The following SKIL variants were observed in gnomAD, a reference collection of about 807,000 sequenced individuals.
The protein encoded by SKIL is SKI like proto-oncogene.
Under a neutral mutation model 69.6 loss-of-function variants are expected in SKIL, and 20 were observed. That is an observed-to-expected ratio of 0.29 (90% CI 0.20 to 0.42). The LOEUF is 0.42. SKIL is among the 10% of genes least tolerant of loss of function. The pLI, the probability that SKIL is intolerant of heterozygous loss-of-function variation, is 1.00. For synonymous variants in SKIL, 310 were observed against 279.9 expected (o/e 1.11, Z -1.08); for missense variants, 745 against 783.1 (o/e 0.95, Z 0.58).
chr3:170,378,576 A>G lies in SKIL; in HGVS notation c.1099-2668A>G, dbSNP rs1221823514. On this transcript the variant is annotated intron_variant, in intron 2 of 6. Coordinates refer to ENST00000259119, the MANE Select transcript of SKIL (RefSeq NM_005414.5). The stretch of plus-strand genomic sequence containing the variant: ...CTCTTTTTTTTTTTTTTTGGAGACA[A>G]AGTCTTGCTCTGTCACCCAGGTTGG... 4.5e-4 allele frequency among the ~76,000 whole-genome samples: 17 copies of G among 37,742 alleles called. No individual in the cohort carries two copies. The East Asian group carries it at 9.6e-3, about 21-fold the overall frequency. The allele number at this position is 37,742 out of a possible 152,430, so 24.8% of individuals were successfully genotyped here.
In SKIL at chr3:170,395,758, A is replaced by C. The variant is rs1738154714; in HGVS notation, c.*3341A>C. The C allele has an allele frequency of 6.6e-6, 1 of 152,104 alleles. No individual in the cohort carries two copies. The highest frequency in any genetic ancestry group is 2.4e-5 in the African/African-American group (1 of 41,454). 9.4% of individuals were successfully genotyped at this position (152,104 alleles called of 1,614,324 possible). On this transcript the variant is annotated 3_prime_UTR_variant, in exon 7 of 7. Transcript: ENST00000259119. ...TTTGCCCTTTATGCATTTAATCCAC[A>C]TGATAGGACATTAAAAATTAATATA...
In SKIL at chr3:170,390,374, G is replaced by C; in HGVS notation, c.1581G>C (p.Lys527Asn). Residue 527 changes from lysine to asparagine, a missense_variant, in exon 5 of 7, where the codon AAG becomes AAC. Physicochemically the swap from Lys to Asn is moderately conservative, Grantham distance 94. Coordinates refer to ENST00000259119, the MANE Select transcript of SKIL (RefSeq NM_005414.5). ...AAGATGTCATTTGTGAGGATGATAA[G>C]GGAAAAATCATGGAAGAAGTAATGA... ...LVKDVICEDD[K>N]GKIMEEVMRT... is the part of the protein sequence containing the mutation. The C allele has an allele frequency of 6.2e-7, 1 of 1,613,896 alleles. No homozygotes were observed. The highest frequency in any genetic ancestry group is 8.5e-7 in the Non-Finnish European group (1 of 1,179,860).
At chr3:170,366,688 C>CACACACACAG (rs1553852225) in intron 2 of SKIL, among the ~76,000 whole-genome samples, 27 of 140,764 alleles carry the variant, frequency 1.9e-4, no homozygotes, top group African/African-American at 7.5e-4. Context: ...CACACACACA[C>CACACACACAG]ACACACAGAC....
At chr3:170,376,929 G>A (rs981209317) in intron 2 of SKIL, among the ~76,000 whole-genome samples, 3 of 152,106 alleles carry the variant, frequency 2.0e-5, no homozygotes, top group African/African-American at 7.2e-5. Flanking sequence ...AATTGGGGTA[G>A]GGGACAATTG....
chr3:170,391,315 T>TA, intron 6 of SKIL, 55 bp downstream of exon 6: 5 of 1,032,234 alleles, frequency 4.8e-6, no homozygotes, highest in Non-Finnish European at 7.2e-6. Flanking sequence ...TGGAAACTGT[T>TA]ACTTCTCTCT....
At position 170,384,578 on chromosome 3, in the gene SKIL, A is replaced by G. The variant is rs2108218558; in HGVS notation, c.1242A>G (p.Ser414=). 1 of 1,611,928 alleles carries G rather than the reference A, an allele frequency of 6.2e-7. No individual in the cohort carries two copies. Among genetic ancestry groups the G allele is most frequent in the Non-Finnish European group, 8.5e-7 (1 of 1,178,806 alleles). Reference sequence around the variant, plus strand: ...ATAAAGTGGTTGCCCCAAATGTGTCACTTACTTCTGCTGTATCCCAGTCTA... The same window carrying G: ...ATAAAGTGGTTGCCCCAAATGTGTCGCTTACTTCTGCTGTATCCCAGTCTA... The part of the protein sequence containing the change: ...MCDKVVAPNV[S]LTSAVSQSKE... The change falls in exon 4 of 7, where the codon TCA becomes TCG. Residue 414 remains serine (S), a synonymous_variant. Transcript: ENST00000259119.
At chr3:170,388,967 T>C (rs1737780594) in intron 4 of SKIL, among the ~76,000 whole-genome samples, 1 of 152,030 alleles carries the variant, frequency 6.6e-6, no homozygotes, top group African/African-American at 2.4e-5. Flanking sequence ...CCTCCCGGGT[T>C]CAACCAATTT....
intron 3 of SKIL, 31 bp downstream of exon 3, chr3:170,381,372 A>T (rs762966769): frequency 9.7e-7 from 1 of 1,029,092 alleles, no homozygotes; most frequent in South Asian, 1.3e-5. Context: ...TCGTTTGTTC[A>T]TTCATTTCTT....
chr3:170,361,484 A>G, intron 2 of SKIL, 55 bp downstream of exon 2: 1 of 1,349,226 alleles, frequency 7.4e-7, no homozygotes, highest in Non-Finnish European at 1.0e-6. Context: ...TGAAATGAAA[A>G]TTCTATGTTT....
At chr3:170,361,744 T>A (rs1449925680) in intron 2 of SKIL, among the ~76,000 whole-genome samples, 1 of 12,018 alleles carries the variant, frequency 8.3e-5, no homozygotes, top group African/African-American at 1.2e-4. Context: ...TAGGGCTTCT[T>A]TTTTTTTTTT....
rs774493206 is a variant in SKIL, at chr3:170,390,411, AAAC to A, written c.1623_1625del (p.Gln542del). On this transcript the variant is annotated inframe_deletion, in exon 5 of 7. Transcript: ENST00000259119. Reference sequence around the variant, plus strand: ...GGAAGAAGTAATGAGAACTTATTTAAAACAACAGGAAAAACTAAACTTGATTTT... The same window carrying A: ...GGAAGAAGTAATGAGAACTTATTTAAAACAGGAAAAACTAAACTTGATTTT... The A allele has an allele frequency of 1.2e-6, 2 of 1,613,124 alleles. No homozygotes were observed. Among genetic ancestry groups the A allele is most frequent in the Admixed American group, 1.7e-5 (1 of 60,024 alleles).
chr3:170,374,608 A>AAGAACAT (rs1418225574), intron 2 of SKIL, among the ~76,000 whole-genome samples: 1 of 152,076 alleles, frequency 6.6e-6, no homozygotes, highest in Admixed American at 6.6e-5. Context: ...TTTTTTTGAA[A>AAGAACAT]ACCTAATTTG....
intron 2 of SKIL, among the ~76,000 whole-genome samples, chr3:170,371,270 G>A (rs1052000026): frequency 1.3e-5 from 2 of 152,142 alleles, no homozygotes; most frequent in African/African-American, 2.4e-5. Context: ...GGAGGCCAAG[G>A]CAGACAGATG....
intron 3 of SKIL, among the ~76,000 whole-genome samples, chr3:170,382,420 T>TA (rs1737401613): frequency 3.3e-5 from 5 of 151,314 alleles, no homozygotes; most frequent in Non-Finnish European, 5.9e-5. Flanking sequence ...TTGATTTTTT[T>TA]TTTTTTTTTT....
intron 2 of SKIL, among the ~76,000 whole-genome samples, chr3:170,370,686 A>G (rs1322553546): frequency 2.0e-5 from 3 of 152,180 alleles, no homozygotes; most frequent in Non-Finnish European, 2.9e-5. Context: ...CATTAAAAGT[A>G]CATATTTTGC....
In SKIL at chr3:170,361,421, C is replaced by A; in HGVS notation, c.1090C>A (p.Gln364Lys). ...KFSMRSGKRN[Q>K]SKTDAPSGME... ...TAGCATGAGAAGTGGAAAGAGAAAT[C>A]AATCCAAGGCAAGTTTTTTATATCA... The change falls in exon 2 of 7, where the codon CAA becomes AAA. Residue 364 changes from glutamine (Q) to lysine (K), a missense_variant. Physicochemically the swap from Gln to Lys is moderately conservative, Grantham distance 53 (BLOSUM62 1). Coordinates refer to ENST00000259119, the MANE Select transcript of SKIL (RefSeq NM_005414.5). 3.9e-6 allele frequency: 6 copies of A among 1,556,228 alleles called. No individual in the cohort carries two copies. The highest frequency in any genetic ancestry group is 1.2e-5 in the South Asian group (1 of 81,512).
rs753114397 is a variant in SKIL at position 170,366,056 on chromosome 3, T to C, written c.1098+4627T>C. On this transcript the variant is annotated intron_variant, in intron 2 of 6. Transcript: ENST00000259119. ...CAGGCATGAGCCATTGCGCCTGGCCTTTTTTTTTTTTTTTTTTAAGACTGT... is the reference window on the plus strand; with the variant it reads ...CAGGCATGAGCCATTGCGCCTGGCCCTTTTTTTTTTTTTTTTTAAGACTGT... Among the ~76,000 whole-genome samples the C allele has an allele frequency of 2.5e-3, 330 of 133,106 alleles. 2 individuals are homozygous for C. Among genetic ancestry groups the C allele is most frequent in the Non-Finnish European group, 4.6e-3 (286 of 61,656 alleles). The allele number at this position is 133,106 out of a possible 152,430, so 87.3% of individuals were successfully genotyped here. A position where few individuals can be genotyped will look rare whatever the true frequency, so the allele number is the denominator to read the frequency against.
chr3:170,369,342 C>G (rs985611164), intron 2 of SKIL, among the ~76,000 whole-genome samples: 4 of 152,038 alleles, frequency 2.6e-5, no homozygotes, highest in South Asian at 4.1e-4. Context: ...GTAGTTTTCT[C>G]GTAGCAGTGC....
chr3:170,383,994 A>AT (rs1172831395), intron 3 of SKIL, among the ~76,000 whole-genome samples: 1 of 129,408 alleles, frequency 7.7e-6, no homozygotes, highest in Non-Finnish European at 1.6e-5. Flanking sequence ...AGAGCCTGTG[A>AT]TTTTCCTTCT....
Sources: allele counts gnomAD v4.1 joint callset (sites outside exome capture counted in the v4.1 genomes callset), GRCh38; gene constraint gnomAD v4.1.1; transcripts MANE v1.5; gene names NCBI Gene and HGNC (gene_info 2026-07-23, HGNC 2026-07-21).